Variants in SYTL4 observed in about 807,000 individuals in gnomAD.
SYTL4 encodes synaptotagmin-like protein 4.
A neutral mutation model predicts 52.7 loss-of-function variants in SYTL4; 16 were observed. The observed-to-expected ratio is 0.30, with a 90% CI of 0.21 to 0.46. SYTL4 has a LOEUF of 0.46. Ranked by LOEUF, SYTL4 falls within the 20% of genes least tolerant of loss-of-function variation. The pLI, the probability that SYTL4 is intolerant of heterozygous loss-of-function variation, is 1.00. For missense variants in SYTL4, 423 were observed against 519.9 expected, an observed-to-expected ratio of 0.81 and a Z score of 1.81; for synonymous variants, 160 against 186.6, an observed-to-expected ratio of 0.86 and a Z score of 1.16.
chrX:100,682,690 G>C (rs1317790921), intron 16 of SYTL4, among the ~76,000 whole-genome samples: 2 of 111,218 alleles, frequency 1.8e-5, no homozygotes, highest in East Asian at 5.6e-4. Context: ...CTGGGCGACA[G>C]AGCCAGACCC....
rs200368843 is a variant in SYTL4, at chrX:100,716,450, C to CAAAA, written c.-239-11568_-239-11565dup. Among the ~76,000 whole-genome samples, 125 of 25,751 alleles carry CAAAA rather than the reference C, an allele frequency of 4.9e-3. 3 individuals carry two copies. The highest frequency in any genetic ancestry group is 6.0e-3 in the Non-Finnish European group (108 of 18,007). 22.4% of individuals were successfully genotyped at this position (25,751 alleles called of 115,157 possible). A position where few individuals can be genotyped will look rare whatever the true frequency, so the allele number is the denominator to read the frequency against. On this transcript the variant is annotated intron_variant, in intron 2 of 19. Transcript: ENST00000372989. ...GGGCAACAAGAGCAAAACTCCATCT[C>CAAAA]AAAAAAAAAAAAAAAAAAAAAAAAA...
At chrX:100,724,111 G>T in intron 2 of SYTL4, among the ~76,000 whole-genome samples, 1 of 91,190 alleles carries the variant, frequency 1.1e-5, no homozygotes, top group Non-Finnish European at 2.2e-5. Flanking sequence ...GAGCCCCTCT[G>T]CCCGGCCAGC....
chrX:100,690,966 C>T (rs752190107), intron 9 of SYTL4, 142 bp downstream of exon 9: 469 of 471,243 alleles, frequency 1.0e-3, no homozygotes, highest in Non-Finnish European at 1.4e-3. Context: ...AATCAGTAGA[C>T]GTGCTACTGA....
chrX:100,723,738 G>A (rs1365391091), intron 2 of SYTL4, among the ~76,000 whole-genome samples: 2 of 104,427 alleles, frequency 1.9e-5, no homozygotes, highest in Admixed American at 2.0e-4. Context: ...CGGCCGCCCC[G>A]TCTGAGAAGT....
chrX:100,690,496 G>T, intron 10 of SYTL4, 67 bp downstream of exon 10: 2 of 886,435 alleles, frequency 2.3e-6, no homozygotes, highest in Non-Finnish European at 3.2e-6. Flanking sequence ...GACGGAGGGA[G>T]ACAGGAGGTA....
chrX:100,723,269 G>A (rs1046454228), intron 2 of SYTL4, among the ~76,000 whole-genome samples: 3 of 111,695 alleles, frequency 2.7e-5, no homozygotes, highest in Non-Finnish European at 5.7e-5. Flanking sequence ...GCAGGCGCGC[G>A]CCGCCACGCC....
At chrX:100,704,323 C>T (rs770718831) in intron 3 of SYTL4, among the ~76,000 whole-genome samples, 1 of 111,872 alleles carries the variant, frequency 8.9e-6, no homozygotes, top group Non-Finnish European at 1.9e-5. Context: ...CCACCTCAAA[C>T]GTTGTTTAAA....
In SYTL4 at chrX:100,681,214, A is replaced by G. The variant is rs1408475105; in HGVS notation, c.1558+13T>C. ...AAGACTAAGCTACATCCAGGACCCC[A>G]AAGAAAACTCACTCTTTTTCCGGTC... is the stretch of plus-strand genomic sequence containing the variant. On this transcript the variant is annotated intron_variant, in intron 17 of 19. Transcript: ENST00000372989. 9 of 1,193,083 alleles carry G rather than the reference A, an allele frequency of 7.5e-6. No individual in the cohort carries two copies. The highest frequency in any genetic ancestry group is 2.3e-4 in the Middle Eastern group (1 of 4,292).
intron 13 of SYTL4, 171 bp from the exon 14 acceptor site, chrX:100,687,416 G>C: frequency 2.3e-6 from 1 of 435,387 alleles, no homozygotes; most frequent in Non-Finnish European, 3.9e-6. Flanking sequence ...AGAACTACCA[G>C]CACTCAAAAT....
Position 100,686,008 on chromosome X carries a change from G to A in SYTL4, c.1431C>T (p.Cys477=). The change falls in exon 16 of 20, where the codon TGC becomes TGT. Residue 477 remains cysteine (C), a synonymous_variant. Coordinates refer to ENST00000372989, the MANE Select transcript of SYTL4 (RefSeq NM_001370165.1). The stretch of plus-strand genomic sequence containing the variant: ...AGACTACCTTTCCATGTAAAGGGAG[G>A]CAATGATCCAGTTTCTTATCAAGCT... ...SWKLDKKLDH[C]LPLHGKISAE... is the part of the protein sequence containing the mutation. 8.3e-7 allele frequency: 1 copy of A among 1,200,934 alleles called. No individual in the cohort carries two copies. Among genetic ancestry groups the A allele is most frequent in the Non-Finnish European group, 1.1e-6 (1 of 889,895 alleles).
At chrX:100,705,218 T>C (rs1434934838) in intron 2 of SYTL4, among the ~76,000 whole-genome samples, 1 of 112,136 alleles carries the variant, frequency 8.9e-6, no homozygotes, top group African/African-American at 3.2e-5. Flanking sequence ...TTATTGAGAA[T>C]TGACTATACG....
At chrX:100,682,965 A>G (rs2083404827) in intron 16 of SYTL4, among the ~76,000 whole-genome samples, 1 of 109,981 alleles carries the variant, frequency 9.1e-6, no homozygotes, top group African/African-American at 3.3e-5. Context: ...TGAAGGTAAG[A>G]GTGAACGAAT....
chrX:100,723,532 C>T (rs983923659), intron 2 of SYTL4, among the ~76,000 whole-genome samples: 5 of 112,056 alleles, frequency 4.5e-5, no homozygotes, highest in Admixed American at 1.9e-4. Flanking sequence ...AGCCTCTGCC[C>T]GGCCGCCACC....
intron 1 of SYTL4, among the ~76,000 whole-genome samples, chrX:100,731,779 A>C (rs1215875185): frequency 1.8e-5 from 2 of 111,975 alleles, no homozygotes; most frequent in African/African-American, 6.5e-5. Context: ...GGACCGCCCA[A>C]GCAGACGGGA....
At chrX:100,708,287 GATA>G (rs1325973322) in intron 2 of SYTL4, among the ~76,000 whole-genome samples, 2 of 111,128 alleles carry the variant, frequency 1.8e-5, no homozygotes, top group African/African-American at 6.6e-5. Context: ...AAAAAATGAG[GATA>G]ATATGTTAAT....
rs772241602 is a variant in SYTL4, at chrX:100,690,661, T to G, written c.642-23A>C. On this transcript the variant is annotated intron_variant, in intron 9 of 19. Coordinates refer to ENST00000372989, the MANE Select transcript of SYTL4 (RefSeq NM_001370165.1). ...CTCCTGGAGGTAGATTCAGAAATTA[T>G]AACTAAGTCACCTCCTACCCTTCCC... The G allele has an allele frequency of 5.6e-5, 63 of 1,125,268 alleles. 1 individual carries two copies. In the South Asian group the frequency reaches 1.2e-3, roughly 21 times the overall value. 92.7% of individuals were successfully genotyped at this position (1,125,268 alleles called of 1,213,427 possible). A position where few individuals can be genotyped will look rare whatever the true frequency, so the allele number is the denominator to read the frequency against.
intron 18 of SYTL4, 145 bp from the exon 19 acceptor site, chrX:100,678,744 G>T: frequency 2.1e-6 from 1 of 479,499 alleles, no homozygotes; most frequent in Non-Finnish European, 3.6e-6. Flanking sequence ...TGAATCTGCT[G>T]AAGCAGAGTT....
At chrX:100,694,663 C>T (rs1362108106) in intron 8 of SYTL4, among the ~76,000 whole-genome samples, 1 of 111,739 alleles carries the variant, frequency 8.9e-6, no homozygotes, top group Non-Finnish European at 1.9e-5. Context: ...CCCCGGAAAT[C>T]TAAGCCCCAC....
chrX:100,698,208 T>C (rs755911505), intron 8 of SYTL4, among the ~76,000 whole-genome samples: 28 of 110,611 alleles, frequency 2.5e-4, no homozygotes, highest in African/African-American at 9.2e-4. Flanking sequence ...GTTCACGCCA[T>C]TCTCCTGCCT....
Sources: allele counts gnomAD v4.1 joint callset (sites outside exome capture counted in the v4.1 genomes callset), GRCh38; gene constraint gnomAD v4.1.1; transcripts MANE v1.5; gene names NCBI Gene and HGNC (gene_info 2026-07-23, HGNC 2026-07-21).